FAM83F: variants seen among roughly 807,000 people sequenced by gnomAD.
The protein encoded by FAM83F is scaffolding CK1 anchoring protein F.
In FAM83F, 45 loss-of-function variants were observed where a neutral mutation model predicts 42.9. The ratio of observed to expected loss-of-function variants is 1.05; its 90% CI spans 0.83 to 1.35. FAM83F has a LOEUF of 1.35. Among genes scored for constraint, FAM83F ranks in the 40% most tolerant of loss-of-function variants. FAM83F has a pLI of 0.00. For synonymous variants in FAM83F, 306 were observed against 298.3 expected, an observed-to-expected ratio of 1.03 and a Z score of -0.27; for missense variants, 617 against 695.9, an observed-to-expected ratio of 0.89 and a Z score of 1.28.
chr22:40,018,502 G>A lies in FAM83F; in HGVS notation c.490-666G>A, dbSNP rs183131970. Among the ~76,000 whole-genome samples the A allele has an allele frequency of 6.6e-5, 10 of 152,020 alleles. No individual in the cohort carries two copies. In the East Asian group the frequency reaches 1.9e-3, roughly 29 times the overall value. On this transcript the variant is annotated intron_variant, in intron 1 of 4. Transcript: ENST00000333407. ...CACCCAGGCTGGAGTGCAATGGCACGATCTCGGCTAACTGCAACCTCCATC... is the reference window on the plus strand; with the variant it reads ...CACCCAGGCTGGAGTGCAATGGCACAATCTCGGCTAACTGCAACCTCCATC...
chr22:40,022,018 G>C (rs755659577), intron 4 of FAM83F, 55 bp downstream of exon 4: 2 of 1,435,494 alleles, frequency 1.4e-6, no homozygotes, highest in Non-Finnish European at 1.9e-6. Flanking sequence ...CCCTCGCCCC[G>C]CATCGGCTCT....
rs759597103 is a variant in FAM83F, at chr22:40,021,733, A to C, written c.1223A>C (p.His408Pro). The C allele has an allele frequency of 6.2e-7, 1 of 1,612,936 alleles. No individual in the cohort carries two copies. The highest frequency in any genetic ancestry group is 1.1e-5 in the South Asian group (1 of 91,074). Residue 408 changes from histidine to proline, a missense_variant, in exon 4 of 5, where the codon CAC becomes CCC. Transcript: ENST00000333407. The surrounding 1 kb of genome is among the most constrained non-coding windows in gnomAD (Gnocchi z 8.7). ...GATGGCAGGATGGTCTCTCACATGC[A>C]CAGAGACCTGAAGCCCAAATCCCGA... The part of the protein sequence containing the change: ...QKDGRMVSHM[H>P]RDLKPKSREA...
In FAM83F at chr22:40,012,770, A is replaced by AAAAC. The variant is rs368006830; in HGVS notation, c.490-6382_490-6379dup. Among the ~76,000 whole-genome samples, 7 of 150,726 alleles carry AAAAC rather than the reference A, an allele frequency of 4.6e-5. 1 individual carries two copies. In the South Asian group the frequency reaches 1.1e-3, roughly 23 times the overall value. Reference sequence around the variant, plus strand: ...GGGTGAAAAAGGAGACTCCATCTCAAAAACAAACAAACAAACAAAAGGGCC... The same window carrying AAAAC: ...GGGTGAAAAAGGAGACTCCATCTCAAAAACAAACAAACAAACAAACAAAAGGGCC... On this transcript the variant is annotated intron_variant, in intron 1 of 4. Transcript: ENST00000333407.
rs1045944589 is a variant in FAM83F at position 40,033,490 on chromosome 22, G to A, written c.*3925G>A. The A allele has an allele frequency of 6.6e-6, 1 of 152,346 alleles. No individual in the cohort carries two copies. Among genetic ancestry groups the A allele is most frequent in the Non-Finnish European group, 1.5e-5 (1 of 68,136 alleles). 9.4% of individuals were successfully genotyped at this position (152,346 alleles called of 1,614,324 possible). A position where few individuals can be genotyped will look rare whatever the true frequency, so the allele number is the denominator to read the frequency against. ...TCTGAGTCTGTTCCTTGAGCTCAGG[G>A]TCTTGGCAATGGTGATGCTTTGGAG... On this transcript the variant is annotated 3_prime_UTR_variant, in exon 5 of 5. Transcript: ENST00000333407.
Position 39,995,517 on chromosome 22 carries a change from CA to C in FAM83F, c.477del (p.Gln159HisfsTer43). The C allele has an allele frequency of 1.3e-6, 2 of 1,569,446 alleles. No individual in the cohort carries two copies. Among genetic ancestry groups the C allele is most frequent in the Admixed American group, 1.8e-5 (1 of 54,798 alleles). On this transcript the variant is annotated frameshift_variant, in exon 1 of 5. Coordinates refer to ENST00000333407, the MANE Select transcript of FAM83F (RefSeq NM_138435.4). LOFTEE classifies it high-confidence loss of function. The surrounding 1 kb of genome is among the most constrained non-coding windows in gnomAD (Gnocchi z 4.6). ...HLKQVVRQMIQQAQKVIAVVM... is the reference protein window; with the variant it reads ...HLKQVVRQMIXQAQKVIAVVM... ...CAAGCAGGTGGTCAGGCAGATGATC[CA>C]ACAGGCCCAGAAGGTAGGCCCCCGC...
Position 40,023,309 on chromosome 22 carries a change from T to A in FAM83F, c.1453+1346T>A, listed in dbSNP as rs962297857. Among the ~76,000 whole-genome samples, 1 of 152,026 alleles carries A rather than the reference T, an allele frequency of 6.6e-6. No individual in the cohort carries two copies. Among genetic ancestry groups the A allele is most frequent in the African/African-American group, 2.4e-5 (1 of 41,384 alleles). On this transcript the variant is annotated intron_variant, in intron 4 of 4. Coordinates refer to ENST00000333407, the MANE Select transcript of FAM83F (RefSeq NM_138435.4). The surrounding 1 kb of genome is among the most constrained non-coding windows in gnomAD (Gnocchi z 4.1). ...GTCAGGGGAGGGGTGGCTGGCCCCA[T>A]CCCCATTCCTCCTGGGCTCCCTGGC...
chr22:40,022,109 G>A (rs1414923701), intron 4 of FAM83F, 146 bp downstream of exon 4: 3 of 757,076 alleles, frequency 4.0e-6, no homozygotes, highest in Admixed American at 3.2e-5. Flanking sequence ...CTGGGGTTCC[G>A]GGGTCCTTGG....
At chr22:40,028,939 T>C (rs766347613) in intron 4 of FAM83F, among the ~76,000 whole-genome samples, 1 of 152,190 alleles carries the variant, frequency 6.6e-6, no homozygotes, top group Non-Finnish European at 1.5e-5. Context: ...GCACTGTCGC[T>C]GGCTGGCTCT....
Position 40,034,781 on chromosome 22 carries a change from T to G in FAM83F, c.*5216T>G, listed in dbSNP as rs539200703. Reference sequence around the variant, plus strand: ...TTGATCATGACCCTTTCTGTCTCATTCCTGACTTCTAATACCGTATATGCC... The same window carrying G: ...TTGATCATGACCCTTTCTGTCTCATGCCTGACTTCTAATACCGTATATGCC... On this transcript the variant is annotated 3_prime_UTR_variant, in exon 5 of 5. Transcript: ENST00000333407. 6.6e-6 allele frequency: 1 copy of G among 152,388 alleles called. No homozygotes were observed. The highest frequency in any genetic ancestry group is 1.9e-4 in the East Asian group (1 of 5,192). 9.4% of individuals were successfully genotyped at this position (152,388 alleles called of 1,614,324 possible). A position where few individuals can be genotyped will look rare whatever the true frequency, so the allele number is the denominator to read the frequency against.
Position 40,042,619 on chromosome 22 carries a change from G to T in FAM83F, c.*13054G>T, listed in dbSNP as rs773370286. Reference sequence around the variant, plus strand: ...TACTCGACTGAGGTCCTTGAAGGAAGAGAGAGTGTATCACTCATCTGCATA... The same window carrying T: ...TACTCGACTGAGGTCCTTGAAGGAATAGAGAGTGTATCACTCATCTGCATA... On this transcript the variant is annotated 3_prime_UTR_variant, in exon 5 of 5. Coordinates refer to ENST00000333407, the MANE Select transcript of FAM83F (RefSeq NM_138435.4). 1.3e-5 allele frequency: 2 copies of T among 152,220 alleles called. No individual in the cohort carries two copies. The highest frequency in any genetic ancestry group is 2.4e-5 in the African/African-American group (1 of 41,448). 9.4% of individuals were successfully genotyped at this position (152,220 alleles called of 1,614,324 possible). A position where few individuals can be genotyped will look rare whatever the true frequency, so the allele number is the denominator to read the frequency against.
chr22:40,001,679 C>A (rs1046616469), intron 1 of FAM83F, among the ~76,000 whole-genome samples: 3 of 152,050 alleles, frequency 2.0e-5, no homozygotes, highest in East Asian at 3.9e-4. Flanking sequence ...AACAAAAAAA[C>A]CCAAAAAGAT....
chr22:40,003,859 A>C (rs367684322), intron 1 of FAM83F, among the ~76,000 whole-genome samples: 1 of 152,154 alleles, frequency 6.6e-6, no homozygotes, highest in Non-Finnish European at 1.5e-5. Flanking sequence ...GGCTCCTTGC[A>C]GTCCTGGCAA....
intron 1 of FAM83F, among the ~76,000 whole-genome samples, chr22:40,003,097 C>T (rs2067410329): frequency 6.6e-6 from 1 of 152,152 alleles, no homozygotes; most frequent in African/African-American, 2.4e-5. Context: ...CAGCCAGGCC[C>T]TGGGAGGCTC....
intron 4 of FAM83F, 149 bp from the exon 5 acceptor site, chr22:40,029,367 C>A: frequency 8.5e-7 from 1 of 1,171,468 alleles, no homozygotes; most frequent in African/African-American, 1.6e-5. Flanking sequence ...GCCCTATTGA[C>A]TTGGTTTCCA....
intron 1 of FAM83F, among the ~76,000 whole-genome samples, chr22:40,008,514 T>A (rs962390797): frequency 6.6e-6 from 1 of 152,168 alleles, no homozygotes; most frequent in Non-Finnish European, 1.5e-5. Flanking sequence ...AGTAGATGAC[T>A]CACTCCAAGC....
At position 40,036,265 on chromosome 22, in the gene FAM83F, A is replaced by G. The variant is rs1198704797; in HGVS notation, c.*6700A>G. The G allele has an allele frequency of 6.6e-6, 1 of 152,260 alleles. No individual in the cohort carries two copies. The highest frequency in any genetic ancestry group is 1.5e-5 in the Non-Finnish European group (1 of 68,068). The allele number at this position is 152,260 out of a possible 1,614,324, so 9.4% of individuals were successfully genotyped here. A position where few individuals can be genotyped will look rare whatever the true frequency, so the allele number is the denominator to read the frequency against. ...AGCTAGACTTGAACTCCTGGCCTCA[A>G]GCGATCCTTCCGCCTTGGCCTCCCA... On this transcript the variant is annotated 3_prime_UTR_variant, in exon 5 of 5. Transcript: ENST00000333407.
rs1488123070 is a variant in FAM83F, at chr22:40,019,948, G to A, written c.719G>A (p.Gly240Glu). 2 of 1,613,394 alleles carry A rather than the reference G, an allele frequency of 1.2e-6. No individual in the cohort carries two copies. Among genetic ancestry groups the A allele is most frequent in the East Asian group, 2.2e-5 (1 of 44,762 alleles). The change falls in exon 3 of 5, where the codon GGG becomes GAG. Residue 240 changes from glycine (G) to glutamate (E), a missense_variant. Gly to Glu is a moderately conservative substitution (Grantham distance 98, BLOSUM62 -2). Coordinates refer to ENST00000333407, the MANE Select transcript of FAM83F (RefSeq NM_138435.4). The stretch of plus-strand genomic sequence containing the variant: ...TACATGCCCATGGGGAGGATCAAGG[G>A]GACCCTGTCATCAAGGTTCCTGATG... ...GFYMPMGRIK[G>E]TLSSRFLMVD... is the part of the protein sequence containing the mutation.
chr22:40,007,896 C>G (rs1445584968), intron 1 of FAM83F, among the ~76,000 whole-genome samples: 5 of 152,216 alleles, frequency 3.3e-5, no homozygotes, highest in African/African-American at 1.2e-4. Context: ...ACGACACCCT[C>G]TCCTGGATGC....
At position 40,038,780 on chromosome 22, in the gene FAM83F, G is replaced by A. The variant is rs1322132271; in HGVS notation, c.*9215G>A. The A allele has an allele frequency of 6.5e-6, 1 of 152,822 alleles. No homozygotes were observed. The highest frequency in any genetic ancestry group is 2.4e-5 in the African/African-American group (1 of 41,502). 9.5% of individuals were successfully genotyped at this position (152,822 alleles called of 1,614,324 possible). ...ATGGACAAACTCTCTGCCGGAGAAT[G>A]GGCATGGCCGGGCTGAGGGGTCCCT... On this transcript the variant is annotated 3_prime_UTR_variant, in exon 5 of 5. Transcript: ENST00000333407.
Sources: allele counts gnomAD v4.1 joint callset (sites outside exome capture counted in the v4.1 genomes callset), GRCh38; gene constraint gnomAD v4.1.1; non-coding constraint Gnocchi (gnomAD v3.1); transcripts MANE v1.5; gene names NCBI Gene and HGNC (gene_info 2026-07-23, HGNC 2026-07-21).